DCBLD1: variants seen among roughly 807,000 people sequenced by gnomAD.
The protein encoded by DCBLD1 is discoidin, CUB and LCCL domain-containing protein 1.
A neutral mutation model predicts 71.5 loss-of-function variants in DCBLD1; 57 were observed. That is an observed-to-expected ratio of 0.80 (90% confidence interval 0.64 to 0.99). The LOEUF (loss-of-function observed/expected upper bound fraction) is 0.99, where lower values mean the gene tolerates loss of function less well. Ranked by LOEUF, DCBLD1 falls within the 50% of genes least tolerant of loss-of-function variation. DCBLD1 has a pLI of 0.00. For missense variants in DCBLD1, 891 were observed against 923.5 expected, an observed-to-expected ratio of 0.96 and a Z score of 0.46; for synonymous variants, 380 against 363.8, an observed-to-expected ratio of 1.04 and a Z score of -0.51.
chr6:117,494,725 TC>T (rs1387675055), intron 1 of DCBLD1: 2 of 152,104 alleles, frequency 1.3e-5, no homozygotes, highest in Non-Finnish European at 2.9e-5. Flanking sequence ...TTGAATCAAG[TC>T]ACATAATATA....
At chr6:117,531,811 T>C (rs1490442891) in intron 5 of DCBLD1, among the ~76,000 whole-genome samples, 1 of 152,242 alleles carries the variant, frequency 6.6e-6, no homozygotes, top group East Asian at 1.9e-4. Flanking sequence ...TCTAATAGCC[T>C]AAGTATAAGA....
chr6:117,545,525 G>C lies in DCBLD1; in HGVS notation c.1543G>C (p.Glu515Gln), dbSNP rs1004859719. 6.2e-7 allele frequency: 1 copy of C among 1,614,180 alleles called. No individual in the cohort carries two copies. Among genetic ancestry groups the C allele is most frequent in the African/African-American group, 1.3e-5 (1 of 75,050 alleles). ...KYPFARHQSA[E>Q]FTISYDNEKE... ...TCCCTTTGCCAGACATCAGTCAGCTGAGTTTACCATCAGCTATGATAATGA... is the reference window on the plus strand; with the variant it reads ...TCCCTTTGCCAGACATCAGTCAGCTCAGTTTACCATCAGCTATGATAATGA... The change falls in exon 14 of 15, where the codon GAG becomes CAG. Residue 515 changes from glutamate (E) to glutamine (Q), a missense_variant. Coordinates refer to ENST00000338728, the MANE Select transcript of DCBLD1 (RefSeq NM_001366458.2).
chr6:117,539,202 G>A (rs1409721520), intron 8 of DCBLD1, 53 bp from the exon 9 acceptor site: 2 of 1,423,174 alleles, frequency 1.4e-6, no homozygotes, highest in Non-Finnish European at 1.9e-6. Flanking sequence ...TATAATAGAT[G>A]TTATATTTAA....
chr6:117,538,749 C>A lies in DCBLD1; in HGVS notation c.890C>A (p.Pro297Gln). ...PGQARLQDQG[P>Q]SWASGDSSNN... Reference sequence around the variant, plus strand: ...CAAGCCCGACTTCAGGACCAAGGCCCATCATGGGCTTCGGGCGACAGTAGC... The same window carrying A: ...CAAGCCCGACTTCAGGACCAAGGCCAATCATGGGCTTCGGGCGACAGTAGC... The change falls in exon 8 of 15, where the codon CCA becomes CAA. Residue 297 changes from proline (P) to glutamine (Q), a missense_variant. Pro to Gln is a moderately conservative substitution (Grantham distance 76). Transcript: ENST00000338728. 2 of 1,614,154 alleles carry A rather than the reference C, an allele frequency of 1.2e-6. No individual in the cohort carries two copies. Among genetic ancestry groups the A allele is most frequent in the Non-Finnish European group, 1.7e-6 (2 of 1,180,022 alleles).
intron 14 of DCBLD1, among the ~76,000 whole-genome samples, chr6:117,565,535 T>A (rs1381455341): frequency 1.3e-5 from 2 of 152,176 alleles, no homozygotes; most frequent in African/African-American, 4.8e-5. Flanking sequence ...ATTTGAAAAA[T>A]ATTGGACCAT....
At position 117,566,946 on chromosome 6, in the gene DCBLD1, T is replaced by C. The variant is rs368666653; in HGVS notation, c.1616-2674T>C. The C allele has an allele frequency of 4.8e-5, 77 of 1,612,190 alleles. No homozygotes were observed. The highest frequency in any genetic ancestry group is 6.2e-5 in the Non-Finnish European group (73 of 1,179,134). ...CTCATCAAGGTACAAACGGTAACGA[T>C]GTCCACTCTCATCTTCATACTCTAC... On this transcript the variant is annotated intron_variant, in intron 14 of 14. Coordinates refer to the DCBLD1 transcript ENST00000296955.
At chr6:117,500,071 T>G (rs1302121717) in intron 1 of DCBLD1, among the ~76,000 whole-genome samples, 2 of 152,238 alleles carry the variant, frequency 1.3e-5, no homozygotes, top group Admixed American at 6.5e-5. Flanking sequence ...CGCATCTGCC[T>G]TCTTCAACAC....
In DCBLD1 at chr6:117,521,638, A is replaced by T. The variant is rs948052081; in HGVS notation, c.512+62A>T. 24 of 1,377,142 alleles carry T rather than the reference A, an allele frequency of 1.7e-5. 1 individual carries two copies. The Middle Eastern group carries it at 7.2e-4, about 41-fold the overall frequency. The allele number at this position is 1,377,142 out of a possible 1,614,324, so 85.3% of individuals were successfully genotyped here. ...ATTGCTGAACATTTTGTTTTCTTTC[A>T]CGTTAAACCAGATACGTTTGTACTT... On this transcript the variant is annotated intron_variant, in intron 4 of 14. Coordinates refer to ENST00000338728, the MANE Select transcript of DCBLD1 (RefSeq NM_001366458.2).
intron 1 of DCBLD1, among the ~76,000 whole-genome samples, chr6:117,483,664 T>C (rs1217999840): frequency 6.6e-6 from 1 of 151,780 alleles, no homozygotes; most frequent in Non-Finnish European, 1.5e-5. Context: ...TTACCAGCCC[T>C]GGGTGTCCCT....
intron 2 of DCBLD1, among the ~76,000 whole-genome samples, chr6:117,512,151 A>G (rs138979474): frequency 9.5e-4 from 145 of 152,264 alleles, no homozygotes; most frequent in Middle Eastern, 3.4e-3. Flanking sequence ...ATTCAGTTTC[A>G]GTAATTGCCA....
intron 7 of DCBLD1, among the ~76,000 whole-genome samples, chr6:117,538,274 G>T (rs1397266437): frequency 2.0e-5 from 3 of 152,196 alleles, no homozygotes; most frequent in Non-Finnish European, 2.9e-5. Flanking sequence ...AAGTGAGAAG[G>T]AACACATCAT....
At chr6:117,539,138 C>T in intron 8 of DCBLD1, 117 bp from the exon 9 acceptor site, 1 of 934,042 alleles carries the variant, frequency 1.1e-6, no homozygotes. Context: ...TATAAGTTGG[C>T]CTGTGAGATG....
chr6:117,483,399 T>G (rs555926655), intron 1 of DCBLD1, among the ~76,000 whole-genome samples: 1 of 152,302 alleles, frequency 6.6e-6, no homozygotes, highest in African/African-American at 2.4e-5. Context: ...CGTTCGGGGC[T>G]CGTGCGGAAT....
chr6:117,496,186 A>G (rs1777463723), intron 1 of DCBLD1, among the ~76,000 whole-genome samples: 1 of 152,020 alleles, frequency 6.6e-6, no homozygotes, highest in Non-Finnish European at 1.5e-5. Context: ...GTTGAAAGAG[A>G]TTGTCAGTTT....
At chr6:117,569,587 A>G (rs1245736374) in intron 14 of DCBLD1, 1 of 1,613,016 alleles carries the variant, frequency 6.2e-7, no homozygotes, top group South Asian at 1.1e-5. Flanking sequence ...GAGAAAGAAT[A>G]GTTACAGCTT....
At chr6:117,544,404 C>A in intron 12 of DCBLD1, 124 bp from the exon 13 acceptor site, 2 of 751,082 alleles carry the variant, frequency 2.7e-6, no homozygotes, top group Admixed American at 3.8e-5. Flanking sequence ...TGGCAGCTGC[C>A]ATCTCATTTA....
At chr6:117,505,526 T>C (rs1204564057) in intron 2 of DCBLD1, among the ~76,000 whole-genome samples, 1 of 152,196 alleles carries the variant, frequency 6.6e-6, no homozygotes, top group African/African-American at 2.4e-5. Flanking sequence ...ATCATTTTGT[T>C]GCATAAGACT....
chr6:117,500,862 CAAAA>C (rs1023922791), intron 1 of DCBLD1, among the ~76,000 whole-genome samples: 1 of 151,252 alleles, frequency 6.6e-6, no homozygotes, highest in Non-Finnish European at 1.5e-5. Flanking sequence ...GACTTCGTCT[CAAAA>C]AAAACAGTGA....
At chr6:117,511,059 G>A (rs1213029381) in intron 2 of DCBLD1, among the ~76,000 whole-genome samples, 2 of 152,036 alleles carry the variant, frequency 1.3e-5, no homozygotes, top group East Asian at 3.9e-4. Context: ...TCAAGTCTGG[G>A]CATTTGAGGC....
Sources: gnomAD v4.1 joint callset for allele counts (sites outside exome capture counted in the v4.1 genomes callset) on GRCh38, gnomAD v4.1.1 for gene constraint, MANE v1.5 for transcripts, NCBI Gene and HGNC (gene_info 2026-07-23, HGNC 2026-07-21) for gene names.